ARHGEF7: variants seen among roughly 807,000 people sequenced by gnomAD.
The protein encoded by ARHGEF7 is PAK-interacting exchange factor beta.
In ARHGEF7, 33 loss-of-function variants were observed where a neutral mutation model predicts 109.8. The ratio of observed to expected loss-of-function variants is 0.30; its 90% CI spans 0.23 to 0.40. The LOEUF (loss-of-function observed/expected upper bound fraction) is 0.40, where lower values mean the gene tolerates loss of function less well. Among genes scored for constraint, ARHGEF7 ranks in the 10% least tolerant of loss-of-function variants. The pLI is 1.00. For missense variants in ARHGEF7, 938 were observed against 1,098.5 expected, an observed-to-expected ratio of 0.85 and a Z score of 2.07; for synonymous variants, 458 against 424.6, an observed-to-expected ratio of 1.08 and a Z score of -0.97.
chr13:111,162,328 C>A (rs548483473), intron 2 of ARHGEF7, among the ~76,000 whole-genome samples: 4 of 152,148 alleles, frequency 2.6e-5, no homozygotes, highest in African/African-American at 7.2e-5. Context: ...TCAACATTTC[C>A]TGCATTGGAC....
At chr13:111,234,909 C>T (rs938061217) in intron 6 of ARHGEF7, among the ~76,000 whole-genome samples, 5 of 152,274 alleles carry the variant, frequency 3.3e-5, no homozygotes, top group Middle Eastern at 3.4e-3. Context: ...GCCTGTTGGG[C>T]ATTTACTCCC....
chr13:111,283,606 A>G (rs1166500542), intron 16 of ARHGEF7, among the ~76,000 whole-genome samples: 1 of 152,188 alleles, frequency 6.6e-6, no homozygotes, highest in Non-Finnish European at 1.5e-5. Flanking sequence ...GGGGGCCTTT[A>G]CTGCACTTGC....
chr13:111,205,546 A>G (rs1249285886), intron 3 of ARHGEF7, among the ~76,000 whole-genome samples, 173 bp downstream of exon 3: 6 of 152,198 alleles, frequency 3.9e-5, no homozygotes, highest in Non-Finnish European at 8.8e-5. Flanking sequence ...CCTTGTTAGA[A>G]TAGAATCTTC....
intron 4 of ARHGEF7, among the ~76,000 whole-genome samples, chr13:111,215,031 C>T (rs978220685): frequency 1.3e-5 from 2 of 151,838 alleles, no homozygotes. Context: ...TAGGAAAAAA[C>T]AGTAGGGACG....
At chr13:111,285,477 T>C (rs1387097079) in intron 16 of ARHGEF7, among the ~76,000 whole-genome samples, 2 of 152,190 alleles carry the variant, frequency 1.3e-5, no homozygotes, top group Non-Finnish European at 2.9e-5. Context: ...CTTTGCTCAC[T>C]TTGTTTTTTG....
intron 9 of ARHGEF7, among the ~76,000 whole-genome samples, chr13:111,269,700 C>T (rs1043674558): frequency 6.6e-6 from 1 of 152,064 alleles, no homozygotes; most frequent in Non-Finnish European, 1.5e-5. Flanking sequence ...GAAGGTCCCC[C>T]GAGCCAGCAG....
At chr13:111,208,688 C>T (rs1287710495) in intron 3 of ARHGEF7, among the ~76,000 whole-genome samples, 7 of 152,002 alleles carry the variant, frequency 4.6e-5, no homozygotes, top group African/African-American at 1.7e-4. Flanking sequence ...TGCCTGAGAC[C>T]CCTGTGTTCT....
At chr13:111,139,539 T>TGGGTGTCTGCGTGGAGCACTGGC (rs2075249177) in intron 1 of ARHGEF7, among the ~76,000 whole-genome samples, 1 of 143,754 alleles carries the variant, frequency 7.0e-6, no homozygotes, top group South Asian at 2.2e-4. Context: ...GTGGCTCTTG[T>TGGGTGTCTGCGTGGAGCACTGGC]GGGTGCCTGC....
chr13:111,269,082 G>A (rs770182048), intron 9 of ARHGEF7, among the ~76,000 whole-genome samples: 21 of 152,194 alleles, frequency 1.4e-4, no homozygotes, highest in African/African-American at 3.9e-4. Flanking sequence ...TGCACGTCCC[G>A]CTTGGGAGCG....
chr13:111,128,196 G>A (rs558655577), intron 1 of ARHGEF7, among the ~76,000 whole-genome samples: 12 of 152,304 alleles, frequency 7.9e-5, no homozygotes, highest in African/African-American at 2.6e-4. Flanking sequence ...CCTTACACTG[G>A]AGGTCTCACC....
intron 2 of ARHGEF7, among the ~76,000 whole-genome samples, chr13:111,183,052 A>T (rs2078917643): frequency 6.6e-6 from 1 of 152,120 alleles, no homozygotes; most frequent in Non-Finnish European, 1.5e-5. Flanking sequence ...CAACTTCACG[A>T]TGTTTTTCAG....
At chr13:111,121,397 C>T (rs1419061202) in intron 1 of ARHGEF7, among the ~76,000 whole-genome samples, 1 of 152,222 alleles carries the variant, frequency 6.6e-6, no homozygotes, top group Non-Finnish European at 1.5e-5. Flanking sequence ...CTGTGTGCAT[C>T]TACACCACAC....
At chr13:111,262,432 ATCTC>A (rs2091205269) in intron 8 of ARHGEF7, among the ~76,000 whole-genome samples, 1 of 151,944 alleles carries the variant, frequency 6.6e-6, no homozygotes. Flanking sequence ...GTGTGTGTCT[ATCTC>A]CACCCTGAGT....
intron 2 of ARHGEF7, among the ~76,000 whole-genome samples, chr13:111,172,247 C>T (rs2077670554): frequency 1.3e-5 from 2 of 152,252 alleles, no homozygotes; most frequent in South Asian, 4.1e-4. Flanking sequence ...GCCTTTAGAG[C>T]ATAGTCTCTT....
chr13:111,254,617 C>T (rs1298194446), intron 8 of ARHGEF7, among the ~76,000 whole-genome samples: 1 of 143,110 alleles, frequency 7.0e-6, no homozygotes, highest in South Asian at 2.3e-4. Context: ...GGCGCTGAGT[C>T]GCTAACGTGA....
rs1023741191 is a variant in ARHGEF7, at chr13:111,254,317, T to A, written c.950+10023T>A. ...GTTTCTATTCTGGTGACAGTTTTTT[T>A]AAAAATGTGATTTTGAGTCAAGTTG... On this transcript the variant is annotated intron_variant, in intron 8 of 21. Transcript: ENST00000646102. Among the ~76,000 whole-genome samples, 6 of 152,412 alleles carry A rather than the reference T, an allele frequency of 3.9e-5. 1 individual carries two copies. The highest frequency in any genetic ancestry group is 4.1e-4 in the South Asian group (2 of 4,834).
At position 111,183,128 on chromosome 13, in the gene ARHGEF7, G is replaced by C. The variant is rs146802795; in HGVS notation, c.253-22161G>C. Among the ~76,000 whole-genome samples the C allele has an allele frequency of 3.7e-4, 56 of 152,324 alleles. No individual in the cohort carries two copies. In the East Asian group the frequency reaches 0.01, roughly 28 times the overall value. ...AGCATCTGGGTGGCCCTACAAGGTA[G>C]AACCAAGGTGTAAATAGTCAAGAGT... is the stretch of plus-strand genomic sequence containing the variant. On this transcript the variant is annotated intron_variant, in intron 2 of 21. Coordinates refer to ENST00000646102, the MANE Select transcript of ARHGEF7 (RefSeq NM_001354046.2).
intron 2 of ARHGEF7, among the ~76,000 whole-genome samples, chr13:111,191,773 A>G (rs1288914838): frequency 6.6e-6 from 1 of 152,166 alleles, no homozygotes; most frequent in Non-Finnish European, 1.5e-5. Flanking sequence ...AGGAAGGTAA[A>G]GAGGGTGCTC....
intron 8 of ARHGEF7, among the ~76,000 whole-genome samples, chr13:111,245,203 G>A (rs1339432290): frequency 6.6e-6 from 1 of 152,138 alleles, no homozygotes; most frequent in Non-Finnish European, 1.5e-5. Flanking sequence ...ATGGTTTTGT[G>A]GAGATTCAGA....
Sources: allele counts gnomAD v4.1 joint callset (sites outside exome capture counted in the v4.1 genomes callset), GRCh38; gene constraint gnomAD v4.1.1; transcripts MANE v1.5; gene names NCBI Gene and HGNC (gene_info 2026-07-23, HGNC 2026-07-21).